PRRT4: variants seen among roughly 807,000 people sequenced by gnomAD.
The protein encoded by PRRT4 is proline-rich transmembrane protein 4.
PRRT4 carries 59 observed loss-of-function variants against 55.6 expected under a neutral mutation model. That is an observed-to-expected ratio of 1.06 (90% confidence interval 0.86 to 1.32). The LOEUF (loss-of-function observed/expected upper bound fraction) is 1.32, where lower values mean the gene tolerates loss of function less well. Among genes scored for constraint, PRRT4 ranks in the 40% most tolerant of loss-of-function variants. PRRT4 has a pLI of 0.00. For missense variants in PRRT4, 1,217 were observed against 1,222.0 expected (o/e 1.00, Z 0.06); for synonymous variants, 606 against 601.8 (o/e 1.01, Z -0.10).
chr7:128,355,105 C>T (rs918162250), intron 4 of PRRT4, among the ~76,000 whole-genome samples: 4 of 152,190 alleles, frequency 2.6e-5, no homozygotes, highest in Admixed American at 2.0e-4. Flanking sequence ...CCTAAACTTG[C>T]GTAGAAAGAC....
chr7:128,352,115 C>A, exon 5 of PRRT4: 1 of 1,154,730 alleles, frequency 8.7e-7, no homozygotes. Context: ...CCGAGGGCGG[C>A]GGCGGCCGCC....
chr7:128,351,656 A>G, exon 5 of PRRT4: 1 of 1,512,936 alleles, frequency 6.6e-7, no homozygotes, highest in Non-Finnish European at 8.8e-7. Flanking sequence ...AGCTTGGCCC[A>G]GCAGCGCGGC....
chr7:128,359,100 T>A, intron 3 of PRRT4, 49 bp downstream of exon 4: 1 of 1,523,988 alleles, frequency 6.6e-7, no homozygotes. Context: ...GCACAGCGCT[T>A]GGCACGTAGA....
intron 4 of PRRT4, among the ~76,000 whole-genome samples, chr7:128,357,236 ACT>A (rs60699919): frequency 0.14 from 19,707 of 139,736 alleles, 1,330 homozygotes; most frequent in South Asian, 0.19. Context: ...ACACACACAC[ACT>A]CTCTCTCTCT....
exon 5 of PRRT4, chr7:128,351,976 C>T (rs1796990062): frequency 1.5e-6 from 2 of 1,298,772 alleles, no homozygotes; most frequent in Non-Finnish European, 2.0e-6. Context: ...CAGGGGCGCC[C>T]CGGCCCGCCG....
Position 128,358,295 on chromosome 7 carries a change from G to A in PRRT4, c.877+386C>T, listed in dbSNP as rs1043108762. 6.6e-6 allele frequency among the ~76,000 whole-genome samples: 1 copy of A among 152,204 alleles called. No homozygotes were observed. The highest frequency in any genetic ancestry group is 1.5e-5 in the Non-Finnish European group (1 of 68,038). ...CTTCCCATATCTGACAGCATGTCAT[G>A]TCAGATCAGATGGCAAAGGAAAGAG... On this transcript the variant is annotated intron_variant, in intron 4 of 4. Coordinates refer to ENST00000535159, the Ensembl canonical transcript of PRRT4. The surrounding 1 kb of genome is among the most constrained non-coding windows in gnomAD (Gnocchi z 4.4).
chr7:128,359,583 C>T (rs1000350498), exon 2 of PRRT4: 5 of 1,505,182 alleles, frequency 3.3e-6, no homozygotes, highest in Non-Finnish European at 4.4e-6. Context: ...TCGCTGGGCC[C>T]AGAGCGCCGG....
chr7:128,352,016 G>A, exon 5 of PRRT4: 1 of 1,313,062 alleles, frequency 7.6e-7, no homozygotes, highest in South Asian at 2.0e-5. Context: ...GAGAGCGCCA[G>A]CAGCAGCCCG....
At chr7:128,351,393 G>T in exon 5 of PRRT4, 1 of 1,543,004 alleles carries the variant, frequency 6.5e-7, no homozygotes. Flanking sequence ...GGGAGGGCGG[G>T]CGGAAGTCCA....
At chr7:128,360,637 G>T (rs926104051) in intron 1 of PRRT4, among the ~76,000 whole-genome samples, 1 of 152,138 alleles carries the variant, frequency 6.6e-6, no homozygotes, top group Admixed American at 6.5e-5. Context: ...GAGAAGCAAG[G>T]TTCCCAATCT....
exon 5 of PRRT4, chr7:128,352,069 A>G: frequency 1.7e-6 from 2 of 1,196,214 alleles, no homozygotes; most frequent in Non-Finnish European, 2.1e-6. Flanking sequence ...GCGCGAGGCG[A>G]GCCGCAGGGG....
intron 1 of PRRT4, among the ~76,000 whole-genome samples, chr7:128,360,818 T>C (rs1181944027): frequency 6.6e-6 from 1 of 151,956 alleles, no homozygotes; most frequent in Non-Finnish European, 1.5e-5. Flanking sequence ...GGCGGACTCC[T>C]ACCCCCTCCC....
chr7:128,351,970 G>T, exon 5 of PRRT4: 1 of 1,300,948 alleles, frequency 7.7e-7, no homozygotes, highest in Non-Finnish European at 9.7e-7. Context: ...CCCTCCCAGG[G>T]GCGCCCCGGC....
chr7:128,351,510 C>A, exon 5 of PRRT4: 2 of 1,499,064 alleles, frequency 1.3e-6, no homozygotes, highest in Non-Finnish European at 1.8e-6. Context: ...CTGGGCCTGG[C>A]CCTGCCAGCG....
At chr7:128,350,668 A>C (rs1796935342), downstream of PRRT4, 15 of 863,064 alleles carry the variant, frequency 1.7e-5, no homozygotes, top group South Asian at 2.5e-4. Context: ...GCTCCAGAGA[A>C]GGTGGCACTG....
exon 5 of PRRT4, chr7:128,351,014 C>A: frequency 2.6e-6 from 4 of 1,550,224 alleles, no homozygotes; most frequent in Non-Finnish European, 3.5e-6. Flanking sequence ...GATCCTGAGG[C>A]CGGGAGGCTG....
At chr7:128,355,409 G>C (rs1797092298) in intron 4 of PRRT4, among the ~76,000 whole-genome samples, 1 of 152,152 alleles carries the variant, frequency 6.6e-6, no homozygotes, top group Non-Finnish European at 1.5e-5. Flanking sequence ...TATTGGCCAG[G>C]CTGGTCTCGA....
chr7:128,356,785 C>T (rs1797120182), intron 4 of PRRT4, among the ~76,000 whole-genome samples: 1 of 152,248 alleles, frequency 6.6e-6, no homozygotes, highest in Admixed American at 6.5e-5. Flanking sequence ...GGAATCATGT[C>T]TCCACTCTGG....
chr7:128,352,733 C>T, intron 4 of PRRT4, 55 bp from the exon 6 acceptor site: 2 of 1,438,744 alleles, frequency 1.4e-6, no homozygotes, highest in East Asian at 2.5e-5. Context: ...CCCTTACCCA[C>T]CCCACAAGCA....
Sources: gnomAD v4.1 joint callset for allele counts (sites outside exome capture counted in the v4.1 genomes callset) on GRCh38, gnomAD v4.1.1 for gene constraint, Gnocchi (gnomAD v3.1) non-coding constraint, MANE v1.5 for transcripts, NCBI Gene and HGNC (gene_info 2026-07-23, HGNC 2026-07-21) for gene names.